CNTNAP2: variants seen among roughly 807,000 people sequenced by gnomAD.
The protein encoded by CNTNAP2 is contactin associated protein 2, also known as contactin-associated protein-like 2.
Under a neutral mutation model 155.2 loss-of-function variants are expected in CNTNAP2, and 98 were observed. The observed-to-expected ratio is 0.63, with a 90% confidence interval of 0.54 to 0.75. The LOEUF is 0.75. Ranked by LOEUF, CNTNAP2 falls within the 30% of genes least tolerant of loss-of-function variation. The probability of loss-of-function intolerance (pLI) is 0.00; values close to 1 mark genes in which losing one functional copy is unlikely to be tolerated. For synonymous variants in CNTNAP2, 651 were observed against 631.2 expected (o/e 1.03, Z -0.47); for missense variants, 1,727 against 1,688.1 (o/e 1.02, Z -0.40).
At chr7:147,507,105 A>G (rs555531686) in intron 11 of CNTNAP2, among the ~76,000 whole-genome samples, 2 of 152,256 alleles carry the variant, frequency 1.3e-5, no homozygotes, top group East Asian at 3.9e-4. Flanking sequence ...GGACATTACC[A>G]TGGATCTCCA....
At chr7:146,488,275 TCCTCCCTCCCTCCCTC>T (rs1235706711) in intron 1 of CNTNAP2, among the ~76,000 whole-genome samples, 1 of 28,402 alleles carries the variant, frequency 3.5e-5, no homozygotes, top group African/African-American at 1.1e-4. Context: ...TCCCCTCCCC[TCCTCCCTCCCTCCCTC>T]CCTCCCTCCC....
intron 10 of CNTNAP2, among the ~76,000 whole-genome samples, chr7:147,474,542 C>A (rs1174089573): frequency 1.3e-5 from 2 of 151,804 alleles, no homozygotes; most frequent in African/African-American, 2.4e-5. Context: ...GAGATCGCAC[C>A]ATTGCACTCC....
intron 1 of CNTNAP2, among the ~76,000 whole-genome samples, chr7:146,683,331 C>A (rs2129170250): frequency 6.6e-6 from 1 of 152,318 alleles, no homozygotes; most frequent in African/African-American, 2.4e-5. Context: ...CCATGCACGG[C>A]CAAGTCGTTA....
intron 15 of CNTNAP2, among the ~76,000 whole-genome samples, chr7:147,979,633 C>CTTTT (rs947686127): frequency 1.1e-4 from 17 of 152,012 alleles, no homozygotes; most frequent in African/African-American, 3.6e-4. Context: ...GCTTTATTTT[C>CTTTT]TTTTTTTGAG....
At chr7:146,234,301 T>C (rs1799435209) in intron 1 of CNTNAP2, among the ~76,000 whole-genome samples, 1 of 152,204 alleles carries the variant, frequency 6.6e-6, no homozygotes, top group Non-Finnish European at 1.5e-5. Context: ...TCGCCCACTT[T>C]TTGATGGGGT....
chr7:147,588,149 G>A (rs1800668531), intron 12 of CNTNAP2, among the ~76,000 whole-genome samples: 1 of 151,934 alleles, frequency 6.6e-6, no homozygotes, highest in Non-Finnish European at 1.5e-5. Context: ...AATTTTTTTT[G>A]TAGAGTCTGA....
At chr7:146,120,834 C>T (rs143833078) in intron 1 of CNTNAP2, among the ~76,000 whole-genome samples, 3 of 152,240 alleles carry the variant, frequency 2.0e-5, no homozygotes, top group Non-Finnish European at 2.9e-5. Flanking sequence ...GAAGCAACAA[C>T]CCATACCAAA....
At chr7:147,472,278 T>A (rs530174354) in intron 10 of CNTNAP2, among the ~76,000 whole-genome samples, 28 of 143,916 alleles carry the variant, frequency 1.9e-4, no homozygotes, top group Admixed American at 1.0e-3. Context: ...AGTGGCATGA[T>A]CTCGGCTCAC....
intron 8 of CNTNAP2, among the ~76,000 whole-genome samples, chr7:147,236,136 C>T (rs1397843958): frequency 6.6e-6 from 1 of 152,214 alleles, no homozygotes; most frequent in Non-Finnish European, 1.5e-5. Context: ...TGGATACCCT[C>T]CAAACCTAAC....
intron 1 of CNTNAP2, among the ~76,000 whole-genome samples, chr7:146,400,512 AC>A (rs988650225): frequency 5.9e-5 from 9 of 152,240 alleles, no homozygotes; most frequent in African/African-American, 2.2e-4. Context: ...ACATAACTAG[AC>A]AGTGAAAGTT....
intron 20 of CNTNAP2, among the ~76,000 whole-genome samples, chr7:148,259,179 TAAAAAAAAAAAAAAAAAAA>T (rs34229180): frequency 1.2e-4 from 3 of 24,018 alleles, no homozygotes; most frequent in Non-Finnish European, 2.0e-4. Flanking sequence ...AACTCCGTCT[TAAAAAAAAAAAAAAAAAAA>T]AAAAAAAAAA....
chr7:146,915,724 T>G (rs538115543), intron 3 of CNTNAP2: 1 of 152,258 alleles, frequency 6.6e-6, no homozygotes, highest in Admixed American at 6.5e-5. Context: ...GCTTTATGTA[T>G]GAGTCTTTAG....
chr7:147,276,905 C>A (rs1804908339), intron 8 of CNTNAP2, among the ~76,000 whole-genome samples: 1 of 151,830 alleles, frequency 6.6e-6, no homozygotes. Context: ...GCCCTGTAGG[C>A]TTTCTGGAAA....
intron 3 of CNTNAP2, among the ~76,000 whole-genome samples, chr7:147,022,937 T>G (rs1391702573): frequency 6.6e-6 from 1 of 152,196 alleles, no homozygotes; most frequent in Non-Finnish European, 1.5e-5. Context: ...TTGACTCTAT[T>G]CTTTTTAATA....
chr7:148,219,661 A>G (rs1379238016), intron 19 of CNTNAP2, among the ~76,000 whole-genome samples: 2 of 152,182 alleles, frequency 1.3e-5, no homozygotes, highest in Admixed American at 1.3e-4. Flanking sequence ...GCAAGACTCC[A>G]TCTCTACCAA....
chr7:146,232,548 A>G (rs1799403457), intron 1 of CNTNAP2, among the ~76,000 whole-genome samples: 1 of 152,094 alleles, frequency 6.6e-6, no homozygotes, highest in African/African-American at 2.4e-5. Context: ...TATCCTCCAT[A>G]TTAGCCTATA....
At chr7:147,351,934 C>T (rs1024316270) in intron 9 of CNTNAP2, among the ~76,000 whole-genome samples, 15 of 151,702 alleles carry the variant, frequency 9.9e-5, no homozygotes, top group African/African-American at 3.1e-4. Context: ...TTTCAATGGC[C>T]GTGAATAAAT....
chr7:146,166,097 C>T (rs562293693), intron 1 of CNTNAP2, among the ~76,000 whole-genome samples: 14 of 151,886 alleles, frequency 9.2e-5, no homozygotes, highest in Non-Finnish European at 1.8e-4. Context: ...TGGTGGTGTT[C>T]TTGCTTTTGT....
intron 10 of CNTNAP2, among the ~76,000 whole-genome samples, chr7:147,481,842 C>T (rs1798428011): frequency 6.6e-6 from 1 of 152,122 alleles, no homozygotes; most frequent in Admixed American, 6.5e-5. Context: ...TTGATGTGAA[C>T]CAAACTTTCA....
Sources: gnomAD v4.1 joint callset for allele counts (sites outside exome capture counted in the v4.1 genomes callset) on GRCh38, gnomAD v4.1.1 for gene constraint, MANE v1.5 for transcripts, NCBI Gene and HGNC (gene_info 2026-07-23, HGNC 2026-07-21) for gene names.